ANKRD30A: variants seen among roughly 807,000 people sequenced by gnomAD.
ANKRD30A encodes ankyrin repeat domain 30A.
ANKRD30A carries 170 observed loss-of-function variants against 166.3 expected under a neutral mutation model. The ratio of observed to expected loss-of-function variants is 1.02; its 90% CI spans 0.90 to 1.16. ANKRD30A has a LOEUF of 1.16. Among genes scored for constraint, ANKRD30A ranks in the 50% most tolerant of loss-of-function variants. The probability of loss-of-function intolerance (pLI) is 0.00; values close to 1 mark genes in which losing one functional copy is unlikely to be tolerated. For missense variants in ANKRD30A, 1,630 were observed against 1,518.0 expected (o/e 1.07, Z -1.23); for synonymous variants, 564 against 508.9 (o/e 1.11, Z -1.46).
At chr10:37,265,794 G>A in the ANKRD30A span, among the ~76,000 whole-genome samples, 1 of 152,228 alleles carries the variant, frequency 6.6e-6, no homozygotes, top group Admixed American at 6.5e-5. Flanking sequence ...TCCCACCCAG[G>A]AATACATATT....
intron 30 of ANKRD30A, among the ~76,000 whole-genome samples, chr10:37,200,472 A>G (rs1272384850): frequency 1.1e-4 from 16 of 152,136 alleles, no homozygotes; most frequent in African/African-American, 2.9e-4. Flanking sequence ...CAACGGCGGA[A>G]AGACATAGAA....
At position 37,195,868 on chromosome 10, in the gene ANKRD30A, C is replaced by T. The variant is rs548514794; in HGVS notation, c.2615-1413C>T. Among the ~76,000 whole-genome samples the T allele has an allele frequency of 3.9e-5, 6 of 151,976 alleles. No individual in the cohort carries two copies. In the East Asian group the frequency reaches 9.7e-4, roughly 25 times the overall value. On this transcript the variant is annotated intron_variant, in intron 27 of 35. Coordinates refer to ENST00000361713, the MANE Select transcript of ANKRD30A (RefSeq NM_052997.3). ...TTGATGGGAAAAATTGGAAGAAGAG[C>T]AGTTGGATAGAAGGTCAAGACATAA...
At chr10:37,166,401 C>T (rs1344318146) in intron 18 of ANKRD30A, among the ~76,000 whole-genome samples, 11 of 151,868 alleles carry the variant, frequency 7.2e-5, no homozygotes, top group African/African-American at 1.2e-4. Context: ...GCCACGTGAA[C>T]GTAAAGATGA....
intron 31 of ANKRD30A, among the ~76,000 whole-genome samples, chr10:37,213,678 A>G (rs144067972): frequency 1.4e-4 from 21 of 151,440 alleles, no homozygotes; most frequent in African/African-American, 4.6e-4. Context: ...GCATTTTACA[A>G]TATCTAATGT....
chr10:37,140,400 G>A (rs796986667), intron 6 of ANKRD30A, among the ~76,000 whole-genome samples: 18 of 152,280 alleles, frequency 1.2e-4, no homozygotes, highest in African/African-American at 3.8e-4. Flanking sequence ...CTTAGCCAGG[G>A]TGCCTCAGTA....
In ANKRD30A at chr10:37,205,221, T is replaced by C. The variant is rs187523307; in HGVS notation, c.2869+3896T>C. Among the ~76,000 whole-genome samples the C allele has an allele frequency of 3.3e-5, 5 of 151,968 alleles. No individual in the cohort carries two copies. In the East Asian group the frequency reaches 9.7e-4, roughly 30 times the overall value. ...ACCCAAATATACATCAATGATAGACTGGATTAAGAAAATGTGGCACATATA... is the reference window on the plus strand; with the variant it reads ...ACCCAAATATACATCAATGATAGACCGGATTAAGAAAATGTGGCACATATA... On this transcript the variant is annotated intron_variant, in intron 31 of 35. Coordinates refer to ENST00000361713, the MANE Select transcript of ANKRD30A (RefSeq NM_052997.3).
At chr10:37,149,710 A>G in intron 10 of ANKRD30A, 31 bp downstream of exon 10, 1 of 1,612,080 alleles carries the variant, frequency 6.2e-7, no homozygotes, top group Non-Finnish European at 8.5e-7. Context: ...ATTTTGAATG[A>G]CTTATTAATT....
intron 31 of ANKRD30A, among the ~76,000 whole-genome samples, chr10:37,211,557 A>T (rs1245273274): frequency 2.0e-5 from 3 of 152,108 alleles, no homozygotes; most frequent in African/African-American, 7.2e-5. Flanking sequence ...TGTTGGTTCC[A>T]AGTCTTTGCT....
intron 34 of ANKRD30A, among the ~76,000 whole-genome samples, chr10:37,220,985 T>C (rs1357059139): frequency 1.3e-5 from 2 of 151,022 alleles, no homozygotes; most frequent in East Asian, 3.9e-4. Context: ...GTGCTTCTAA[T>C]ACAGAAGAAG....
chr10:37,179,674 A>G (rs1177847183), intron 24 of ANKRD30A, among the ~76,000 whole-genome samples: 4 of 143,714 alleles, frequency 2.8e-5, no homozygotes, highest in Non-Finnish European at 6.2e-5. Context: ...ATGACAGGAC[A>G]TATTAAAGAA....
chr10:37,162,642 T>C lies in ANKRD30A; in HGVS notation c.1901-7T>C, dbSNP rs778636564. 5.6e-6 allele frequency: 9 copies of C among 1,611,962 alleles called. No individual in the cohort carries two copies. The highest frequency in any genetic ancestry group is 2.7e-5 in the African/African-American group (2 of 74,842). On this transcript the variant is annotated splice_region_variant and splice_polypyrimidine_tract_variant and intron_variant, in intron 15 of 35. Coordinates refer to ENST00000361713, the MANE Select transcript of ANKRD30A (RefSeq NM_052997.3). Reference sequence around the variant, plus strand: ...ATGATTGATGATAAATCTCTTTTGCTTTTTAGAGCCTCCGGGGAAGCCATC... The same window carrying C: ...ATGATTGATGATAAATCTCTTTTGCCTTTTAGAGCCTCCGGGGAAGCCATC...
intron 19 of ANKRD30A, among the ~76,000 whole-genome samples, 167 bp downstream of exon 19, chr10:37,166,862 A>T (rs1355616374): frequency 2.6e-5 from 4 of 152,168 alleles, no homozygotes; most frequent in Admixed American, 6.6e-5. Context: ...TGATGGCAAC[A>T]GACTATATTG....
At chr10:37,192,716 G>A (rs1840703229) in intron 25 of ANKRD30A, among the ~76,000 whole-genome samples, 1 of 152,026 alleles carries the variant, frequency 6.6e-6, no homozygotes, top group African/African-American at 2.4e-5. Flanking sequence ...TTGGTGGGGT[G>A]TGGCATGACT....
intron 17 of ANKRD30A, among the ~76,000 whole-genome samples, chr10:37,164,356 CTA>C (rs994528360): frequency 6.7e-6 from 1 of 148,518 alleles, no homozygotes; most frequent in African/African-American, 2.5e-5. Flanking sequence ...TGATTTTATC[CTA>C]TTACACGTGG....
chr10:37,162,935 T>C (rs941842488), intron 17 of ANKRD30A, 87 bp downstream of exon 17: 14 of 1,500,366 alleles, frequency 9.3e-6, no homozygotes, highest in African/African-American at 2.8e-5. Flanking sequence ...GTTTATTTTT[T>C]TCAACTTTGA....
intron 17 of ANKRD30A, among the ~76,000 whole-genome samples, chr10:37,164,543 A>G (rs1631274): frequency 6.6e-6 from 1 of 152,036 alleles, no homozygotes. Flanking sequence ...TTCCTAAAGC[A>G]TATACACACG....
In ANKRD30A at chr10:37,197,268, T is replaced by C; in HGVS notation, c.2615-13T>C. On this transcript the variant is annotated splice_polypyrimidine_tract_variant and intron_variant, in intron 27 of 35. Transcript: ENST00000361713. ...TTACTTATGATTGATGATAAATCTC[T>C]TTTGCTTTTTAGAGCCTCCCGAGAA... The C allele has an allele frequency of 6.2e-7, 1 of 1,611,996 alleles. No homozygotes were observed. Among genetic ancestry groups the C allele is most frequent in the African/African-American group, 1.3e-5 (1 of 74,998 alleles).
chr10:37,221,682 CATA>C (rs912440414), intron 34 of ANKRD30A, among the ~76,000 whole-genome samples: 1 of 151,186 alleles, frequency 6.6e-6, no homozygotes, highest in Non-Finnish European at 1.5e-5. Flanking sequence ...ATATTTTTCT[CATA>C]ATATTTACCC....
intron 15 of ANKRD30A, among the ~76,000 whole-genome samples, chr10:37,159,570 G>T (rs1838673096): frequency 6.6e-6 from 1 of 152,114 alleles, no homozygotes; most frequent in South Asian, 2.1e-4. Context: ...TATAGACCAT[G>T]TGTACAATTT....
Sources: allele counts gnomAD v4.1 joint callset (sites outside exome capture counted in the v4.1 genomes callset), GRCh38; gene constraint gnomAD v4.1.1; transcripts MANE v1.5; gene names NCBI Gene and HGNC (gene_info 2026-07-23, HGNC 2026-07-21).